Variants in CSDC2 observed in about 807,000 individuals in gnomAD.
CSDC2 encodes the protein cold shock domain-containing protein C2.
Under a neutral mutation model 15.8 loss-of-function variants are expected in CSDC2, and 8 were observed. The observed-to-expected ratio is 0.51, with a 90% CI of 0.30 to 0.92. The LOEUF (loss-of-function observed/expected upper bound fraction) is 0.92, where lower values mean the gene tolerates loss of function less well. Among genes scored for constraint, CSDC2 ranks in the 40% least tolerant of loss-of-function variants. CSDC2 has a pLI of 0.07. For synonymous variants in CSDC2, 96 were observed against 92.3 expected, an observed-to-expected ratio of 1.04 and a Z score of -0.23; for missense variants, 195 against 213.3, an observed-to-expected ratio of 0.91 and a Z score of 0.53.
At chr22:41,574,352 A>ACTTC (rs2067163941) in intron 3 of CSDC2, among the ~76,000 whole-genome samples, 1 of 152,122 alleles carries the variant, frequency 6.6e-6, no homozygotes, top group Non-Finnish European at 1.5e-5. Context: ...TGCAACCTCC[A>ACTTC]CTTCCTGGGT....
At chr22:41,574,135 C>T (rs1225043921) in intron 3 of CSDC2, among the ~76,000 whole-genome samples, 4 of 152,234 alleles carry the variant, frequency 2.6e-5, no homozygotes, top group Non-Finnish European at 5.9e-5. Context: ...GCCCCACCCA[C>T]TTCTAATGCC....
At chr22:41,573,886 T>C in intron 3 of CSDC2, 109 bp downstream of exon 3, 2 of 1,393,162 alleles carry the variant, frequency 1.4e-6, no homozygotes, top group Non-Finnish European at 1.9e-6. Flanking sequence ...TCTGTATTCA[T>C]GGTGCCTTTT....
At chr22:41,563,829 T>C (rs1237803323) in intron 1 of CSDC2, among the ~76,000 whole-genome samples, 2 of 150,998 alleles carry the variant, frequency 1.3e-5, no homozygotes, top group Admixed American at 1.3e-4. Context: ...CCCAGCACTT[T>C]GGGAGGCTGA....
At chr22:41,571,741 C>G in intron 1 of CSDC2, 102 bp from the exon 2 acceptor site, 1 of 389,796 alleles carries the variant, frequency 2.6e-6, no homozygotes. Flanking sequence ...TGAAGTAACG[C>G]CGTGAGGATA....
At chr22:41,561,420 T>C (rs2145593624) in intron 1 of CSDC2, among the ~76,000 whole-genome samples, 1 of 152,300 alleles carries the variant, frequency 6.6e-6, no homozygotes, top group African/African-American at 2.4e-5. Context: ...TCTGTGTCTG[T>C]GTCTGTGTCT....
chr22:41,567,923 A>G (rs971181201), intron 1 of CSDC2, among the ~76,000 whole-genome samples: 11 of 152,168 alleles, frequency 7.2e-5, no homozygotes, highest in African/African-American at 2.7e-4. Flanking sequence ...AGAGGATGAA[A>G]GTGAATGGTG....
At chr22:41,573,065 C>T (rs1171212735) in intron 2 of CSDC2, among the ~76,000 whole-genome samples, 1 of 152,078 alleles carries the variant, frequency 6.6e-6, no homozygotes, top group Non-Finnish European at 1.5e-5. Context: ...AATGTTTGGG[C>T]CAGACATGGT....
intron 1 of CSDC2, among the ~76,000 whole-genome samples, chr22:41,566,721 C>T (rs1404864822): frequency 2.0e-5 from 3 of 151,092 alleles, no homozygotes; most frequent in South Asian, 4.2e-4. Flanking sequence ...GGGCAGATCA[C>T]GAGGTCAGGA....
At chr22:41,563,964 T>G (rs1037089957) in intron 1 of CSDC2, among the ~76,000 whole-genome samples, 6 of 149,926 alleles carry the variant, frequency 4.0e-5, no homozygotes, top group Admixed American at 4.0e-4. Flanking sequence ...GGCACCTGTA[T>G]TCCCAGCTAC....
chr22:41,572,932 G>GC (rs2067155427), intron 2 of CSDC2, among the ~76,000 whole-genome samples: 3 of 152,184 alleles, frequency 2.0e-5, no homozygotes, highest in Non-Finnish European at 4.4e-5. Context: ...CTGGAGTGCA[G>GC]TGGTGCAGTC....
rs2067168034 is a variant in CSDC2, at chr22:41,575,029, G to A, written c.*134G>A. 15 of 1,066,146 alleles carry A rather than the reference G, an allele frequency of 1.4e-5. No homozygotes were observed. Among genetic ancestry groups the A allele is most frequent in the East Asian group, 5.2e-5 (2 of 38,336 alleles). The allele number at this position is 1,066,146 out of a possible 1,614,324, so 66.0% of individuals were successfully genotyped here. A position where few individuals can be genotyped will look rare whatever the true frequency, so the allele number is the denominator to read the frequency against. On this transcript the variant is annotated 3_prime_UTR_variant, in exon 4 of 4. Coordinates refer to ENST00000306149, the MANE Select transcript of CSDC2 (RefSeq NM_014460.4). ...CCTCAGTGTGCACGTCTGTCTGTCC[G>A]TCTGTGCTTGTGGCTATGAGCGTGT...
In CSDC2 at chr22:41,573,775, T is replaced by C. The variant is rs756200399; in HGVS notation, c.297T>C (p.Ser99=). The C allele has an allele frequency of 2.5e-6, 4 of 1,611,742 alleles. No individual in the cohort carries two copies. Among genetic ancestry groups the C allele is most frequent in the East Asian group, 4.5e-5 (2 of 44,798 alleles). ...CCGAGGACATCTTCGTACATGTGTC[T>C]GAGTGAGTCCCCTCCACCTCCCTGT... ...NGSEDIFVHV[S]DIEGEYVPVE... is the part of the protein sequence containing the mutation. Residue 99 remains serine, a splice_region_variant and synonymous_variant, in exon 3 of 4, where the codon TCT becomes TCC. Coordinates refer to ENST00000306149, the MANE Select transcript of CSDC2 (RefSeq NM_014460.4).
intron 2 of CSDC2, among the ~76,000 whole-genome samples, chr22:41,573,278 C>A (rs769832249): frequency 5.3e-5 from 8 of 151,852 alleles, no homozygotes; most frequent in Non-Finnish European, 8.8e-5. Flanking sequence ...TTGCTTGAAC[C>A]TGGGAGGTGT....
intron 2 of CSDC2, 128 bp from the exon 3 acceptor site, chr22:41,573,527 G>A: frequency 1.8e-6 from 2 of 1,097,188 alleles, no homozygotes; most frequent in Non-Finnish European, 2.6e-6. Flanking sequence ...ATGACTGTGT[G>A]GTTTCTGGCC....
intron 2 of CSDC2, among the ~76,000 whole-genome samples, chr22:41,572,916 C>G (rs2067155343): frequency 6.6e-6 from 1 of 152,148 alleles, no homozygotes; most frequent in Non-Finnish European, 1.5e-5. Flanking sequence ...CGCTCTGTTG[C>G]CCAGGCTGGA....
intron 1 of CSDC2, among the ~76,000 whole-genome samples, chr22:41,565,823 T>A (rs2145596572): frequency 6.6e-6 from 1 of 152,264 alleles, no homozygotes; most frequent in East Asian, 1.9e-4. Flanking sequence ...GCAGAGTCAG[T>A]CATTTGGGGT....
Position 41,574,863 on chromosome 22 carries a change from G to T in CSDC2, c.430G>T (p.Glu144Ter). The change falls in exon 4 of 4, where the codon GAG becomes TAG. Residue 144 changes from glutamate to a stop codon, truncating the protein, a stop_gained. Transcript: ENST00000306149. LOFTEE classifies it high-confidence loss of function. ...LTQLAPHTPH[E>*]TWSGQVVGS The stretch of plus-strand genomic sequence containing the variant: ...TCAGCTGGCCCCCCACACTCCCCAC[G>T]AGACGTGGTCTGGCCAGGTCGTGGG... The T allele has an allele frequency of 6.2e-7, 1 of 1,608,090 alleles. No homozygotes were observed. Among genetic ancestry groups the T allele is most frequent in the Non-Finnish European group, 8.5e-7 (1 of 1,177,542 alleles).
chr22:41,573,126 G>A (rs953931675), intron 2 of CSDC2, among the ~76,000 whole-genome samples: 3 of 152,158 alleles, frequency 2.0e-5, no homozygotes, highest in African/African-American at 4.8e-5. Context: ...AGGTGGATCA[G>A]TTAAGGACAG....
rs61037464 is a variant in CSDC2, at chr22:41,561,045, G to GACACACAC, written c.-232_-225dup. On this transcript the variant is annotated 5_prime_UTR_variant, in exon 1 of 4. Transcript: ENST00000306149. ...GGTACCGCCCGCGCGAGCACACACA[G>GACACACAC]ACACACACACACACACACACACACA... The GACACACAC allele has an allele frequency of 0.034, 4,426 of 132,030 alleles. 103 individuals are homozygous for GACACACAC. Among genetic ancestry groups the GACACACAC allele is most frequent in the South Asian group, 0.11 (434 of 3,962 alleles). The allele number at this position is 132,030 out of a possible 1,614,324, so 8.2% of individuals were successfully genotyped here. A position where few individuals can be genotyped will look rare whatever the true frequency, so the allele number is the denominator to read the frequency against.
Sources: allele counts gnomAD v4.1 joint callset (sites outside exome capture counted in the v4.1 genomes callset), GRCh38; gene constraint gnomAD v4.1.1; transcripts MANE v1.5; gene names NCBI Gene and HGNC (gene_info 2026-07-23, HGNC 2026-07-21).